Variants in MSH3 observed in about 807,000 individuals in gnomAD.
MSH3 encodes the protein DNA mismatch repair protein Msh3.
MSH3 carries 106 observed loss-of-function variants against 123.3 expected under a neutral mutation model. The ratio of observed to expected loss-of-function variants is 0.86; its 90% confidence interval spans 0.73 to 1.01. The LOEUF is 1.01. Among genes scored for constraint, MSH3 ranks in the 50% least tolerant of loss-of-function variants. The pLI is 0.00. For synonymous variants in MSH3, 515 were observed against 481.4 expected (o/e 1.07, Z -0.91); for missense variants, 1,459 against 1,347.6 (o/e 1.08, Z -1.29).
chr5:80,707,371 T>C (rs753615891), intron 8 of MSH3, among the ~76,000 whole-genome samples: 2 of 152,228 alleles, frequency 1.3e-5, no homozygotes, highest in Non-Finnish European at 2.9e-5. Flanking sequence ...TTTCATTTTC[T>C]TCACATAATT....
intron 13 of MSH3, among the ~76,000 whole-genome samples, chr5:80,762,016 A>G (rs1580027998): frequency 6.6e-6 from 1 of 152,218 alleles, no homozygotes; most frequent in African/African-American, 2.4e-5. Context: ...GAAAAAAAAA[A>G]CCTTATTTCT....
Position 80,799,500 on chromosome 5 carries a change from C to CTTTTTTT in MSH3, c.2655+6682_2655+6688dup, listed in dbSNP as rs746348952. On this transcript the variant is annotated intron_variant, in intron 19 of 23. Transcript: ENST00000265081. ...TTTATACCTGTCAAGGAAGATAGCA[C>CTTTTTTT]TTTTTTTTTTTTTTTTTTTTTTTTT... Among the ~76,000 whole-genome samples the CTTTTTTT allele has an allele frequency of 1.8e-3, 59 of 32,322 alleles. 9 individuals are homozygous for CTTTTTTT. The highest frequency in any genetic ancestry group is 5.0e-3 in the African/African-American group (39 of 7,822). The allele number at this position is 32,322 out of a possible 152,430, so 21.2% of individuals were successfully genotyped here.
At chr5:80,739,427 A>G (rs1743571637) in intron 10 of MSH3, among the ~76,000 whole-genome samples, 1 of 152,258 alleles carries the variant, frequency 6.6e-6, no homozygotes, top group South Asian at 2.1e-4. Flanking sequence ...TCAAAGGGAA[A>G]AATATAAACC....
chr5:80,713,212 CAG>C (rs1347025096), intron 8 of MSH3, among the ~76,000 whole-genome samples: 1 of 152,066 alleles, frequency 6.6e-6, no homozygotes, highest in African/African-American at 2.4e-5. Context: ...TATTTGATGC[CAG>C]AGAGTCACCA....
chr5:80,856,711 A>G (rs1211591489), intron 21 of MSH3, among the ~76,000 whole-genome samples: 1 of 152,178 alleles, frequency 6.6e-6, no homozygotes, highest in East Asian at 1.9e-4. Context: ...TAATAATAAA[A>G]AAAAGAAACT....
At chr5:80,667,468 A>C (rs1650662) in intron 3 of MSH3, among the ~76,000 whole-genome samples, 42,198 of 152,094 alleles carry the variant, frequency 0.28, 6,101 homozygotes, top group Middle Eastern at 0.35. Flanking sequence ...CCGAGTTTTT[A>C]CTTGGGCCTG....
At chr5:80,699,188 T>A (rs931457962) in intron 8 of MSH3, among the ~76,000 whole-genome samples, 2 of 152,144 alleles carry the variant, frequency 1.3e-5, no homozygotes, top group Non-Finnish European at 1.5e-5. Flanking sequence ...ATAAGTGATG[T>A]TTAGAATAAA....
Position 80,665,164 on chromosome 5 carries a change from C to T in MSH3, c.380C>T (p.Thr127Ile), listed in dbSNP as rs757177212. ...GNSEPKKCLR[T>I]RNVSKSLEKL... ...TAAGAGCCAAAGAAATGTCTGAGGA[C>T]CAGGAATGTTTCAAAGTCTCTGGAA... Residue 127 changes from threonine (T) to isoleucine (I), a missense_variant, in exon 3 of 24, where the codon ACC (threonine) becomes ATC (isoleucine). Coordinates refer to ENST00000265081, the MANE Select transcript of MSH3 (RefSeq NM_002439.5). 3.1e-6 allele frequency: 5 copies of T among 1,613,926 alleles called. No individual in the cohort carries two copies. The South Asian group carries it at 3.3e-5, about 11-fold the overall frequency.
chr5:80,721,439 C>T (rs1751075274), intron 8 of MSH3, among the ~76,000 whole-genome samples: 1 of 152,306 alleles, frequency 6.6e-6, no homozygotes, highest in South Asian at 2.1e-4. Context: ...ATCAAATATA[C>T]AAACTGCACT....
At chr5:80,770,433 T>TAA (rs1339806198) in intron 15 of MSH3, among the ~76,000 whole-genome samples, 1 of 152,190 alleles carries the variant, frequency 6.6e-6, no homozygotes, top group Non-Finnish European at 1.5e-5. Flanking sequence ...GTGCTATGCT[T>TAA]ATACTACTCA....
intron 21 of MSH3, among the ~76,000 whole-genome samples, chr5:80,863,520 A>T: frequency 6.6e-6 from 1 of 151,988 alleles, no homozygotes; most frequent in South Asian, 2.1e-4. Flanking sequence ...AAATAGAAAA[A>T]ATTAGCCAGG....
intron 15 of MSH3, among the ~76,000 whole-genome samples, chr5:80,770,270 ATTTT>A (rs62892161): frequency 2.8e-5 from 4 of 144,088 alleles, no homozygotes; most frequent in Non-Finnish European, 4.6e-5. Context: ...TTTCTACTAC[ATTTT>A]TTTTTTTTTT....
At chr5:80,853,429 CATG>C (rs1426919058) in intron 20 of MSH3, among the ~76,000 whole-genome samples, 14 of 151,520 alleles carry the variant, frequency 9.2e-5, no homozygotes, top group African/African-American at 3.4e-4. Context: ...GAGCCGAGAG[CATG>C]CCACTGCACT....
At chr5:80,809,416 T>G (rs1014055753) in intron 19 of MSH3, among the ~76,000 whole-genome samples, 2 of 152,170 alleles carry the variant, frequency 1.3e-5, no homozygotes, top group African/African-American at 4.8e-5. Flanking sequence ...AAAGCCAAAT[T>G]GAACAATAAG....
intron 8 of MSH3, among the ~76,000 whole-genome samples, chr5:80,718,219 T>C (rs1751002346): frequency 6.6e-6 from 1 of 152,252 alleles, no homozygotes; most frequent in Admixed American, 6.5e-5. Context: ...TGCAGTTTTG[T>C]CACCCAAGTA....
intron 1 of MSH3, 63 bp downstream of exon 1, chr5:80,655,027 G>A: frequency 1.0e-6 from 1 of 975,336 alleles, no homozygotes; most frequent in Non-Finnish European, 1.4e-6. Flanking sequence ...TGTGGGTAAG[G>A]CGGGCGGAGG....
intron 8 of MSH3, among the ~76,000 whole-genome samples, chr5:80,695,064 T>G (rs1650742): frequency 0.29 from 43,673 of 148,078 alleles, 6,607 homozygotes; most frequent in Middle Eastern, 0.38. Flanking sequence ...GTTTTTGTTG[T>G]TGGTGGTGGT....
Position 80,761,544 on chromosome 5 carries a change from A to G in MSH3, c.1764-2A>G, listed in dbSNP as rs773032453. 1.9e-6 allele frequency: 3 copies of G among 1,614,010 alleles called. No individual in the cohort carries two copies. The highest frequency in any genetic ancestry group is 4.5e-5 in the East Asian group (2 of 44,892). On this transcript the variant is annotated splice_acceptor_variant, in intron 12 of 23. Coordinates refer to ENST00000265081, the MANE Select transcript of MSH3 (RefSeq NM_002439.5). LOFTEE classifies it high-confidence loss of function. ...ATTATTGCTATTACTCTTTTCTCACAGGGAAATAAATGCCCGGCTTGATGC... is the reference window on the plus strand; with the variant it reads ...ATTATTGCTATTACTCTTTTCTCACGGGGAAATAAATGCCCGGCTTGATGC...
intron 21 of MSH3, among the ~76,000 whole-genome samples, chr5:80,854,787 T>A (rs1185595833): frequency 6.6e-6 from 1 of 152,208 alleles, no homozygotes; most frequent in Non-Finnish European, 1.5e-5. Context: ...TGACTCAACA[T>A]AAATCTGGTT....
Sources: allele counts gnomAD v4.1 joint callset (sites outside exome capture counted in the v4.1 genomes callset), GRCh38; gene constraint gnomAD v4.1.1; transcripts MANE v1.5; gene names NCBI Gene and HGNC (gene_info 2026-07-23, HGNC 2026-07-21).